PDE4D: variants seen among roughly 807,000 people sequenced by gnomAD.
The protein encoded by PDE4D is 3',5'-cyclic-AMP phosphodiesterase 4D.
PDE4D carries 24 observed loss-of-function variants against 87.4 expected under a neutral mutation model. The observed-to-expected ratio is 0.27, with a 90% CI of 0.20 to 0.39. The LOEUF (loss-of-function observed/expected upper bound fraction) is 0.39. PDE4D is among the 10% of genes least tolerant of loss of function. The pLI, the probability that PDE4D is intolerant of heterozygous loss-of-function variation, is 1.00. For missense variants in PDE4D, 714 were observed against 1,041.0 expected, an observed-to-expected ratio of 0.69 and a Z score of 4.32; for synonymous variants, 384 against 383.2, an observed-to-expected ratio of 1.00 and a Z score of -0.02.
At chr5:59,065,103 C>T (rs1209041744) in intron 5 of PDE4D, among the ~76,000 whole-genome samples, 4 of 125,036 alleles carry the variant, frequency 3.2e-5, no homozygotes, top group East Asian at 2.2e-4. Flanking sequence ...CACACACACA[C>T]ACACACACAC....
chr5:59,804,304 G>C (rs972307801), intron 1 of PDE4D, among the ~76,000 whole-genome samples: 1 of 152,154 alleles, frequency 6.6e-6, no homozygotes, highest in Non-Finnish European at 1.5e-5. Context: ...ACGTCTCTTA[G>C]AATAAATGGC....
At chr5:59,292,323 A>C (rs1268709811) in intron 1 of PDE4D, among the ~76,000 whole-genome samples, 1 of 151,888 alleles carries the variant, frequency 6.6e-6, no homozygotes, top group African/African-American at 2.4e-5. Context: ...TTAAAACATA[A>C]GCTATTTTTA....
At chr5:60,106,243 G>C (rs545762300) in intron 2 of PDE4D, among the ~76,000 whole-genome samples, 9 of 151,708 alleles carry the variant, frequency 5.9e-5, no homozygotes, top group South Asian at 2.1e-4. Context: ...AACCAACAAA[G>C]ATCAAAAGAG....
chr5:59,434,915 G>A (rs1796593869), intron 1 of PDE4D, among the ~76,000 whole-genome samples: 1 of 152,108 alleles, frequency 6.6e-6, no homozygotes, highest in South Asian at 2.1e-4. Context: ...GTGGTTGGCA[G>A]GTTGACTAAT....
intron 1 of PDE4D, among the ~76,000 whole-genome samples, chr5:59,707,478 T>G (rs966836933): frequency 7.9e-5 from 12 of 152,126 alleles, no homozygotes; most frequent in African/African-American, 2.9e-4. Flanking sequence ...GCCCATAGCC[T>G]GTTTTTGAAA....
chr5:59,494,813 AAT>A (rs1806861122), intron 1 of PDE4D, among the ~76,000 whole-genome samples: 2 of 152,182 alleles, frequency 1.3e-5, no homozygotes, highest in Non-Finnish European at 2.9e-5. Flanking sequence ...CCCTCAAAAT[AAT>A]ACTCAGTGAT....
chr5:60,168,561 G>A (rs1401072979), intron 2 of PDE4D, among the ~76,000 whole-genome samples: 1 of 152,144 alleles, frequency 6.6e-6, no homozygotes, highest in African/African-American at 2.4e-5. Context: ...GTATCCGTGG[G>A]AGATTGGTTT....
intron 2 of PDE4D, among the ~76,000 whole-genome samples, chr5:60,032,257 C>T (rs1767318578): frequency 6.6e-6 from 1 of 152,136 alleles, no homozygotes. Flanking sequence ...GAATATAAAT[C>T]TCGTCCCCTT....
chr5:59,151,919 G>T (rs2153460517), intron 5 of PDE4D, among the ~76,000 whole-genome samples: 1 of 152,142 alleles, frequency 6.6e-6, no homozygotes, highest in South Asian at 2.1e-4. Context: ...GGAAGAGACT[G>T]GAAAAAGAAG....
intron 2 of PDE4D, among the ~76,000 whole-genome samples, chr5:59,205,761 G>A (rs549709667): frequency 1.3e-5 from 2 of 150,770 alleles, no homozygotes; most frequent in South Asian, 4.2e-4. Context: ...AGTTCTGTAA[G>A]CACCAAAGAA....
intron 3 of PDE4D, among the ~76,000 whole-genome samples, chr5:59,908,528 C>A (rs1194047509): frequency 6.6e-6 from 1 of 152,128 alleles, no homozygotes; most frequent in East Asian, 1.9e-4. Context: ...CTTAGTGATG[C>A]AAGCTAGAAC....
In PDE4D at chr5:60,511,445, TCTC is replaced by T. The variant is rs1221049932; in HGVS notation, n.70+10603_70+10605del. Among the ~76,000 whole-genome samples the T allele has an allele frequency of 2.0e-5, 3 of 151,766 alleles. No homozygotes were observed. The East Asian group carries it at 5.8e-4, about 29-fold the overall frequency. On this transcript the variant is annotated intron_variant and non_coding_transcript_variant, in intron 1 of 2. Transcript: ENST00000506510. ...CTTTAATTTATTTTATAAGAATAAT[TCTC>T]CTACTGGAATATTATTTGCCAATAC...
chr5:59,129,925 C>G (rs1436238153), intron 5 of PDE4D, among the ~76,000 whole-genome samples: 2 of 152,036 alleles, frequency 1.3e-5, no homozygotes, highest in African/African-American at 2.4e-5. Flanking sequence ...TACTAAAGTC[C>G]TATCACAATG....
intron 1 of PDE4D, among the ~76,000 whole-genome samples, chr5:59,823,544 TG>T (rs1416053492): frequency 6.6e-6 from 1 of 152,112 alleles, no homozygotes; most frequent in African/African-American, 2.4e-5. Flanking sequence ...CTGGAACCCT[TG>T]TCTGCGATTC....
At chr5:59,176,780 C>A (rs1028341753) in intron 5 of PDE4D, among the ~76,000 whole-genome samples, 3 of 152,108 alleles carry the variant, frequency 2.0e-5, no homozygotes, top group Non-Finnish European at 2.9e-5. Flanking sequence ...ACAACTATGA[C>A]TCAAAAGTGA....
chr5:59,576,139 G>A (rs1228805287), intron 1 of PDE4D, among the ~76,000 whole-genome samples: 1 of 152,096 alleles, frequency 6.6e-6, no homozygotes, highest in East Asian at 1.9e-4. Context: ...TACTTACTGA[G>A]TGACAGGTGT....
At chr5:60,356,639 T>A (rs916371669) in intron 1 of PDE4D, among the ~76,000 whole-genome samples, 3 of 152,176 alleles carry the variant, frequency 2.0e-5, no homozygotes, top group Non-Finnish European at 4.4e-5. Flanking sequence ...GTTTTCCTTC[T>A]TTTCCCCCCA....
intron 1 of PDE4D, among the ~76,000 whole-genome samples, chr5:60,320,715 A>T (rs1288687769): frequency 6.6e-6 from 1 of 152,224 alleles, no homozygotes; most frequent in Non-Finnish European, 1.5e-5. Flanking sequence ...AAGTTTCAGT[A>T]TACAAAATCA....
At chr5:60,025,865 C>CA (rs1330022999) in intron 2 of PDE4D, among the ~76,000 whole-genome samples, 1 of 152,118 alleles carries the variant, frequency 6.6e-6, no homozygotes, top group Non-Finnish European at 1.5e-5. Context: ...CTGGGCAATA[C>CA]AGTGAGACCC....
Sources: gnomAD v4.1 joint callset for allele counts (sites outside exome capture counted in the v4.1 genomes callset) on GRCh38, gnomAD v4.1.1 for gene constraint, MANE v1.5 for transcripts, NCBI Gene and HGNC (gene_info 2026-07-23, HGNC 2026-07-21) for gene names.